CTNNA3: variants seen among roughly 807,000 people sequenced by gnomAD.
The protein encoded by CTNNA3 is catenin alpha 3, also known as catenin alpha-3.
CTNNA3 carries 76 observed loss-of-function variants against 95.7 expected under a neutral mutation model. The observed-to-expected ratio is 0.79, with a 90% CI of 0.66 to 0.96. The LOEUF (loss-of-function observed/expected upper bound fraction) is 0.96. Among genes scored for constraint, CTNNA3 ranks in the 40% least tolerant of loss-of-function variants. CTNNA3 has a pLI of 0.00. For missense variants in CTNNA3, 1,191 were observed against 1,089.8 expected (o/e 1.09, Z -1.31); for synonymous variants, 431 against 374.4 (o/e 1.15, Z -1.74).
chr10:66,300,423 A>T (rs2091844146), intron 12 of CTNNA3, among the ~76,000 whole-genome samples: 1 of 152,004 alleles, frequency 6.6e-6, no homozygotes, highest in African/African-American at 2.4e-5. Flanking sequence ...TATAAACTGG[A>T]CCTGGTAACT....
intron 5 of CTNNA3, chr10:67,346,815 A>C (rs1370841113): frequency 2.7e-6 from 1 of 364,238 alleles, no homozygotes; most frequent in African/African-American, 2.1e-5. Flanking sequence ...ATGAACTTAC[A>C]TTTAGAAACC....
Position 67,641,380 on chromosome 10 carries a change from G to A in CTNNA3, c.99+6035C>T, listed in dbSNP as rs545308260. On this transcript the variant is annotated intron_variant, in intron 2 of 17. Transcript: ENST00000433211. The stretch of plus-strand genomic sequence containing the variant: ...AAACAGGTGCTAGAGAGGATGTGGA[G>A]AAATAGGAACACTTTTACACTATTG... 2.0e-5 allele frequency among the ~76,000 whole-genome samples: 3 copies of A among 152,142 alleles called. No homozygotes were observed. The East Asian group carries it at 5.9e-4, about 30-fold the overall frequency.
At chr10:67,687,852 C>G (rs374294678) in intron 1 of CTNNA3, among the ~76,000 whole-genome samples, 1 of 152,086 alleles carries the variant, frequency 6.6e-6, no homozygotes, top group Non-Finnish European at 1.5e-5. Context: ...TCTCCTTAGT[C>G]CTTCTAAAAC....
chr10:66,819,092 T>TAAAAA (rs35494489), intron 7 of CTNNA3, among the ~76,000 whole-genome samples: 1 of 110,700 alleles, frequency 9.0e-6, no homozygotes, highest in Middle Eastern at 5.4e-3. Context: ...ACTCTTGTCT[T>TAAAAA]AAAAAAAAAA....
intron 7 of CTNNA3, among the ~76,000 whole-genome samples, chr10:67,045,736 C>T (rs1224830804): frequency 6.6e-6 from 1 of 152,054 alleles, no homozygotes; most frequent in African/African-American, 2.4e-5. Context: ...CAGCCAAGGC[C>T]CCCCTCTGTT....
chr10:66,975,777 C>G (rs144284539), intron 7 of CTNNA3, among the ~76,000 whole-genome samples: 69 of 152,288 alleles, frequency 4.5e-4, no homozygotes, highest in East Asian at 4.1e-3. Flanking sequence ...CTATTTAGCA[C>G]TCCTTTCTGT....
chr10:67,572,206 AT>A (rs934976575), intron 3 of CTNNA3, among the ~76,000 whole-genome samples: 3 of 151,954 alleles, frequency 2.0e-5, no homozygotes, highest in Admixed American at 6.6e-5. Flanking sequence ...ATTTACTTAA[AT>A]TTTTTTTGTA....
intron 12 of CTNNA3, among the ~76,000 whole-genome samples, chr10:66,348,344 A>G (rs921018228): frequency 3.3e-5 from 5 of 152,160 alleles, no homozygotes; most frequent in Non-Finnish European, 5.9e-5. Flanking sequence ...GCCGATTATT[A>G]GCTTAAATAT....
chr10:67,153,175 C>G (rs1402458961), intron 7 of CTNNA3, among the ~76,000 whole-genome samples: 1 of 152,112 alleles, frequency 6.6e-6, no homozygotes. Context: ...GGGGTTTCAC[C>G]ATATTGGCCA....
intron 9 of CTNNA3, among the ~76,000 whole-genome samples, chr10:66,689,168 G>A (rs2132529719): frequency 6.6e-6 from 1 of 152,210 alleles, no homozygotes; most frequent in South Asian, 2.1e-4. Flanking sequence ...CTTGGGGCAA[G>A]CCTGAGACAC....
At chr10:66,498,364 A>C (rs1245561184) in intron 11 of CTNNA3, among the ~76,000 whole-genome samples, 1 of 152,150 alleles carries the variant, frequency 6.6e-6, no homozygotes, top group Non-Finnish European at 1.5e-5. Context: ...TACCTAAAAC[A>C]TATGACAATT....
intron 7 of CTNNA3, among the ~76,000 whole-genome samples, chr10:66,965,089 T>C (rs1217087169): frequency 2.6e-5 from 4 of 152,160 alleles, no homozygotes; most frequent in Admixed American, 2.0e-4. Context: ...GCTTCCACTC[T>C]GTGAGGGCCA....
intron 16 of CTNNA3, among the ~76,000 whole-genome samples, chr10:65,977,224 A>G (rs2078223609): frequency 6.6e-6 from 1 of 152,138 alleles, no homozygotes; most frequent in African/African-American, 2.4e-5. Flanking sequence ...TTTTATAATC[A>G]CAGGGACTCA....
At chr10:66,351,554 T>G (rs188132437) in intron 12 of CTNNA3, among the ~76,000 whole-genome samples, 2 of 152,168 alleles carry the variant, frequency 1.3e-5, no homozygotes, top group Non-Finnish European at 2.9e-5. Flanking sequence ...ATAATTTTAC[T>G]GCAATCAAAT....
At chr10:67,657,487 T>C (rs895896154) in intron 1 of CTNNA3, among the ~76,000 whole-genome samples, 1 of 151,632 alleles carries the variant, frequency 6.6e-6, no homozygotes, top group East Asian at 1.9e-4. Context: ...ATATTCAGAG[T>C]ATGACTGTAG....
At chr10:67,091,029 T>G (rs117236700) in intron 7 of CTNNA3, among the ~76,000 whole-genome samples, 2,354 of 151,968 alleles carry the variant, frequency 0.015, 30 homozygotes, top group Middle Eastern at 0.027. Context: ...CAATCAAGAG[T>G]TTCTTAATAT....
chr10:66,533,984 A>G (rs2132057143), intron 10 of CTNNA3, among the ~76,000 whole-genome samples: 1 of 152,236 alleles, frequency 6.6e-6, no homozygotes, highest in East Asian at 1.9e-4. Flanking sequence ...AAATAGGGCC[A>G]CTACTAAAGT....
intron 6 of CTNNA3, among the ~76,000 whole-genome samples, chr10:67,215,786 C>A (rs550452727): frequency 6.6e-6 from 1 of 152,118 alleles, no homozygotes; most frequent in Non-Finnish European, 1.5e-5. Flanking sequence ...ATGTATCTTA[C>A]GGGACTTTCC....
intron 7 of CTNNA3, among the ~76,000 whole-genome samples, chr10:66,789,133 T>C (rs1437328285): frequency 6.6e-6 from 1 of 151,880 alleles, no homozygotes. Flanking sequence ...TAAAACATAT[T>C]TTTGCTCTAT....
Sources: allele counts gnomAD v4.1 joint callset (sites outside exome capture counted in the v4.1 genomes callset), GRCh38; gene constraint gnomAD v4.1.1; transcripts MANE v1.5; gene names NCBI Gene and HGNC (gene_info 2026-07-23, HGNC 2026-07-21).